The following NPAS3 variants were observed in gnomAD, a reference collection of about 807,000 sequenced individuals.
The protein encoded by NPAS3 is neuronal PAS domain-containing protein 3.
NPAS3 carries 14 observed loss-of-function variants against 73.1 expected under a neutral mutation model. The observed-to-expected ratio is 0.19, with a 90% CI of 0.13 to 0.30. The LOEUF is 0.30. Ranked by LOEUF, NPAS3 falls within the 10% of genes least tolerant of loss-of-function variation. The pLI is 1.00. For missense variants in NPAS3, 1,096 were observed against 1,250.0 expected (o/e 0.88, Z 1.86); for synonymous variants, 620 against 541.5 (o/e 1.14, Z -2.01).
At chr14:33,490,537 C>A (rs1192905856) in intron 4 of NPAS3, among the ~76,000 whole-genome samples, 1 of 152,082 alleles carries the variant, frequency 6.6e-6, no homozygotes, top group Non-Finnish European at 1.5e-5. Context: ...GTTAGATATT[C>A]CATATTTCCA....
In NPAS3 at chr14:33,793,892, G is replaced by A. The variant is rs8010728; in HGVS notation, c.1154-5G>A. On this transcript the variant is annotated splice_polypyrimidine_tract_variant and splice_region_variant and intron_variant, in intron 9 of 11. Transcript: ENST00000356141. ...CAATGCCTCTGTTTTGTTTTTTTTCGCCAGTGCTGAATAAGGGTCAGTGTG... is the reference window on the plus strand; with the variant it reads ...CAATGCCTCTGTTTTGTTTTTTTTCACCAGTGCTGAATAAGGGTCAGTGTG... 36,402 of 1,589,424 alleles carry A rather than the reference G, an allele frequency of 0.023. 498 individuals are homozygous for A. Among genetic ancestry groups the A allele is most frequent in the Non-Finnish European group, 0.027 (32,208 of 1,171,302 alleles).
chr14:33,522,413 C>A (rs992342533), intron 4 of NPAS3, among the ~76,000 whole-genome samples: 9 of 152,090 alleles, frequency 5.9e-5, no homozygotes, highest in Non-Finnish European at 1.0e-4. Flanking sequence ...GTAGTTGTAT[C>A]CCTGTGGGTG....
rs75979576 is a variant in NPAS3 at position 33,577,472 on chromosome 14, C to T, written c.558+17262C>T. Among the ~76,000 whole-genome samples, 1,054 of 152,238 alleles carry T rather than the reference C, an allele frequency of 6.9e-3. 53 individuals are homozygous for T. In the East Asian group the frequency reaches 0.16, roughly 23 times the overall value. Reference sequence around the variant, plus strand: ...GGAGGTTTCAGAGCACGTTCCTATACCTCTCATTTGATGGTCAAAGTAACC... The same window carrying T: ...GGAGGTTTCAGAGCACGTTCCTATATCTCTCATTTGATGGTCAAAGTAACC... On this transcript the variant is annotated intron_variant, in intron 5 of 11. Transcript: ENST00000356141.
intron 3 of NPAS3, among the ~76,000 whole-genome samples, chr14:33,268,157 G>A (rs890660186): frequency 2.0e-5 from 3 of 151,954 alleles, no homozygotes; most frequent in Admixed American, 6.6e-5. Flanking sequence ...TGTCATTAAA[G>A]CCCCTTCTCT....
intron 6 of NPAS3, among the ~76,000 whole-genome samples, chr14:33,704,806 A>G (rs532940720): frequency 1.8e-4 from 28 of 152,308 alleles, no homozygotes; most frequent in African/African-American, 6.3e-4. Flanking sequence ...TTCAGCATGC[A>G]TTTTTGAATG....
chr14:33,723,950 T>C (rs540487293), intron 6 of NPAS3, among the ~76,000 whole-genome samples: 1 of 152,162 alleles, frequency 6.6e-6, no homozygotes, highest in South Asian at 2.1e-4. Context: ...CTTAAAAATA[T>C]ATATATCCAT....
chr14:32,940,465 T>C (rs2035944087), intron 1 of NPAS3, among the ~76,000 whole-genome samples: 1 of 152,248 alleles, frequency 6.6e-6, no homozygotes, highest in African/African-American at 2.4e-5. Flanking sequence ...ATTAATTGCA[T>C]ATAGCATATT....
intron 4 of NPAS3, among the ~76,000 whole-genome samples, chr14:33,385,078 G>A (rs1487843414): frequency 6.6e-6 from 1 of 152,174 alleles, no homozygotes; most frequent in Non-Finnish European, 1.5e-5. Context: ...CCTTGAGCAA[G>A]GCTTTAGCAT....
chr14:33,103,794 A>G (rs2042644382), intron 2 of NPAS3, among the ~76,000 whole-genome samples: 1 of 152,144 alleles, frequency 6.6e-6, no homozygotes, highest in Non-Finnish European at 1.5e-5. Flanking sequence ...TGTGTCTTCC[A>G]GAGAGGAGGA....
intron 1 of NPAS3, 106 bp from the exon 2 acceptor site, chr14:33,055,799 G>GTGGA: frequency 1.5e-6 from 1 of 662,242 alleles, no homozygotes; most frequent in Non-Finnish European, 2.7e-6. Context: ...GAGCTCAAAA[G>GTGGA]CGTAAAAAGC....
chr14:33,570,277 A>G (rs545920583), intron 5 of NPAS3, among the ~76,000 whole-genome samples: 5 of 152,288 alleles, frequency 3.3e-5, no homozygotes, highest in Admixed American at 1.3e-4. Flanking sequence ...GCCAAGTGCA[A>G]TGGGAATGTT....
chr14:32,938,777 C>T (rs1278442288), upstream of NPAS3, among the ~76,000 whole-genome samples: 11 of 148,984 alleles, frequency 7.4e-5, no homozygotes, highest in Middle Eastern at 0.01. Flanking sequence ...GGGGTGAGAA[C>T]CCGGAGGCGG....
chr14:33,353,915 C>T (rs533482240), intron 3 of NPAS3, among the ~76,000 whole-genome samples: 1 of 152,210 alleles, frequency 6.6e-6, no homozygotes, highest in South Asian at 2.1e-4. Flanking sequence ...GATTATAGAT[C>T]ATTATGTTGT....
chr14:33,554,808 A>T (rs2055280907), intron 4 of NPAS3, among the ~76,000 whole-genome samples: 3 of 152,214 alleles, frequency 2.0e-5, no homozygotes, highest in African/African-American at 7.2e-5. Context: ...AACTCCTTTG[A>T]CAAATATAAA....
chr14:32,965,177 A>G (rs2037100615), intron 1 of NPAS3, among the ~76,000 whole-genome samples: 1 of 152,218 alleles, frequency 6.6e-6, no homozygotes, highest in Admixed American at 6.5e-5. Flanking sequence ...AACTATTCAA[A>G]AAAATTGAAG....
rs2140760265 is a variant in NPAS3, at chr14:33,750,966, GAT to G, written c.852+15637_852+15638del. Among the ~76,000 whole-genome samples, 2 of 152,290 alleles carry G rather than the reference GAT, an allele frequency of 1.3e-5. 1 individual carries two copies. The highest frequency in any genetic ancestry group is 1.3e-4 in the Admixed American group (2 of 15,294). On this transcript the variant is annotated intron_variant, in intron 7 of 11. Coordinates refer to ENST00000356141, the Ensembl canonical transcript of NPAS3. ...CTTAAGGGATAGGCTCACCTACAGA[GAT>G]ATGAAGGAAGGGAACTCTAAACAGA...
chr14:33,439,853 C>T (rs1299126812), intron 4 of NPAS3, among the ~76,000 whole-genome samples: 1 of 152,226 alleles, frequency 6.6e-6, no homozygotes, highest in Non-Finnish European at 1.5e-5. Flanking sequence ...TGGTGGCTCA[C>T]GCCTGTAATC....
chr14:33,259,863 T>G (rs2048908760), intron 3 of NPAS3, among the ~76,000 whole-genome samples: 1 of 152,084 alleles, frequency 6.6e-6, no homozygotes, highest in African/African-American at 2.4e-5. Flanking sequence ...GCATCTTTTT[T>G]TTTTTTTTGA....
intron 2 of NPAS3, among the ~76,000 whole-genome samples, chr14:33,204,562 C>G (rs978236685): frequency 6.6e-6 from 1 of 152,048 alleles, no homozygotes; most frequent in African/African-American, 2.4e-5. Context: ...TCCGTAAGAG[C>G]CTGTAGCTGC....
Sources: gnomAD v4.1 joint callset for allele counts (sites outside exome capture counted in the v4.1 genomes callset) on GRCh38, gnomAD v4.1.1 for gene constraint, MANE v1.5 for transcripts, NCBI Gene and HGNC (gene_info 2026-07-23, HGNC 2026-07-21) for gene names.